Variants in ZSWIM4 observed in about 807,000 individuals in gnomAD.
ZSWIM4 encodes zinc finger SWIM-type containing 4.
Under a neutral mutation model 102.5 loss-of-function variants are expected in ZSWIM4, and 62 were observed. The ratio of observed to expected loss-of-function variants is 0.60; its 90% CI spans 0.49 to 0.75. ZSWIM4 has a LOEUF of 0.75. Among genes scored for constraint, ZSWIM4 ranks in the 30% least tolerant of loss-of-function variants. The pLI, the probability that ZSWIM4 is intolerant of heterozygous loss-of-function variation, is 0.00. For missense variants in ZSWIM4, 1,280 were observed against 1,529.6 expected, an observed-to-expected ratio of 0.84 and a Z score of 2.72; for synonymous variants, 652 against 674.5, an observed-to-expected ratio of 0.97 and a Z score of 0.52.
In ZSWIM4 at chr19:13,795,834, C is replaced by T. The variant is rs771415241; in HGVS notation, c.153+33C>T. On this transcript the variant is annotated intron_variant, in intron 1 of 13. Coordinates refer to ENST00000590508, the MANE Select transcript of ZSWIM4 (RefSeq NM_001367834.3). ...CGGGGGAAGGGGGCGGGGGCAGGGACGCACCCCCAGCACCTTCCCCACCTG... is the reference window on the plus strand; with the variant it reads ...CGGGGGAAGGGGGCGGGGGCAGGGATGCACCCCCAGCACCTTCCCCACCTG... The T allele has an allele frequency of 3.3e-6, 4 of 1,209,326 alleles. No homozygotes were observed. The South Asian group carries it at 1.2e-4, about 37-fold the overall frequency. The allele number at this position is 1,209,326 out of a possible 1,614,324, so 74.9% of individuals were successfully genotyped here. A position where few individuals can be genotyped will look rare whatever the true frequency, so the allele number is the denominator to read the frequency against.
At chr19:13,813,468 G>A (rs1189525850) in intron 6 of ZSWIM4, among the ~76,000 whole-genome samples, 3 of 151,536 alleles carry the variant, frequency 2.0e-5, no homozygotes, top group African/African-American at 7.3e-5. Flanking sequence ...GGATGAGAGA[G>A]GAAAAAAGGA....
rs1599623241 is a variant in ZSWIM4, at chr19:13,831,180, A to G, written c.*130A>G. ...AAGGAGCCCGGCTGGAGATGGGGGC[A>G]GGGGGAGCAGCATCCTGCCACGTGT... On this transcript the variant is annotated 3_prime_UTR_variant, in exon 14 of 14. Transcript: ENST00000590508. The G allele has an allele frequency of 8.2e-7, 1 of 1,216,496 alleles. No individual in the cohort carries two copies. Among genetic ancestry groups the G allele is most frequent in the African/African-American group, 1.5e-5 (1 of 65,942 alleles). The allele number at this position is 1,216,496 out of a possible 1,614,324, so 75.4% of individuals were successfully genotyped here. A position where few individuals can be genotyped will look rare whatever the true frequency, so the allele number is the denominator to read the frequency against.
At position 13,830,541 on chromosome 19, in the gene ZSWIM4, G is replaced by A. The variant is rs747438860; in HGVS notation, c.2812G>A (p.Ala938Thr). 3 of 1,599,582 alleles carry A rather than the reference G, an allele frequency of 1.9e-6. No individual in the cohort carries two copies. The highest frequency in any genetic ancestry group is 2.5e-6 in the Non-Finnish European group (3 of 1,179,484). ...YMEHRGLPLR[A>T]YKLATLALAQ... ...GGAGCACCGCGGGCTGCCGCTCCGG[G>A]CCTACAAGCTGGCGACGCTGGCCCT... The change falls in exon 14 of 14, where the codon GCC (alanine) becomes ACC (threonine). Residue 938 changes from alanine to threonine, a missense_variant. By Grantham distance (58) the Ala-to-Thr change is moderately conservative. Coordinates refer to ENST00000590508, the MANE Select transcript of ZSWIM4 (RefSeq NM_001367834.3).
intron 7 of ZSWIM4, among the ~76,000 whole-genome samples, chr19:13,816,950 C>G (rs370932706): frequency 1.3e-5 from 2 of 152,130 alleles, no homozygotes; most frequent in South Asian, 4.1e-4. Flanking sequence ...CATGGTGGCC[C>G]ATGCCTGTAA....
In ZSWIM4 at chr19:13,808,894, CGAGGA is replaced by C; in HGVS notation, c.773_777del (p.Glu258AlafsTer77). On this transcript the variant is annotated frameshift_variant, in exon 4 of 14. Transcript: ENST00000590508. LOFTEE classifies it high-confidence loss of function. ...AGGACGCCAACTGCTGGCACCTGGA[CGAGGA>C]GCAGATCCAGGAGCAGGTGAAGCAG... is the stretch of plus-strand genomic sequence containing the variant. 1 of 1,612,388 alleles carries C rather than the reference CGAGGA, an allele frequency of 6.2e-7. No individual in the cohort carries two copies. The highest frequency in any genetic ancestry group is 8.5e-7 in the Non-Finnish European group (1 of 1,179,388).
intron 12 of ZSWIM4, among the ~76,000 whole-genome samples, chr19:13,827,370 C>T (rs1182889758): frequency 2.0e-5 from 3 of 150,780 alleles, no homozygotes; most frequent in African/African-American, 7.3e-5. Context: ...TTTGGGAGGC[C>T]GATGCGGATC....
chr19:13,800,065 A>ATTTGTTTTTTTTTTTTT (rs1974718558), intron 2 of ZSWIM4, 144 bp downstream of exon 2: 1 of 334,366 alleles, frequency 3.0e-6, no homozygotes, highest in African/African-American at 4.7e-5. Flanking sequence ...ATTGTACAAG[A>ATTTGTTTTTTTTTTTTT]TTTTTTTTTT....
chr19:13,804,055 G>T (rs900106722), intron 2 of ZSWIM4, among the ~76,000 whole-genome samples: 1 of 150,994 alleles, frequency 6.6e-6, no homozygotes, highest in African/African-American at 2.4e-5. Flanking sequence ...GTAGAGACAG[G>T]GTTTCACCAT....
chr19:13,827,953 G>A (rs555139723), intron 12 of ZSWIM4, among the ~76,000 whole-genome samples: 5 of 152,270 alleles, frequency 3.3e-5, no homozygotes, highest in East Asian at 1.9e-4. Flanking sequence ...GGTTTGTTCC[G>A]GCATAGGATC....
At chr19:13,807,528 T>A (rs1315244809) in intron 3 of ZSWIM4, among the ~76,000 whole-genome samples, 1 of 150,154 alleles carries the variant, frequency 6.7e-6, no homozygotes, top group Non-Finnish European at 1.5e-5. Context: ...AGTAAATGGA[T>A]GAATGAACAA....
In ZSWIM4 at chr19:13,799,827, C is replaced by T; in HGVS notation, c.261C>T (p.Tyr87=). 1 of 1,613,992 alleles carries T rather than the reference C, an allele frequency of 6.2e-7. No individual in the cohort carries two copies. Among genetic ancestry groups the T allele is most frequent in the Non-Finnish European group, 8.5e-7 (1 of 1,180,018 alleles). Residue 87 remains tyrosine, a synonymous_variant, in exon 2 of 14, where the codon TAC becomes TAT. Coordinates refer to ENST00000590508, the MANE Select transcript of ZSWIM4 (RefSeq NM_001367834.3). Reference sequence around the variant, plus strand: ...TATGTATGTACTCGTCGCTGGGTTACCCGCCCCCAGAGGGCGAGCACGATG... The same window carrying T: ...TATGTATGTACTCGTCGCTGGGTTATCCGCCCCCAGAGGGCGAGCACGATG... ...REICMYSSLG[Y]PPPEGEHDAR...
At chr19:13,824,797 C>T (rs890782312) in intron 11 of ZSWIM4, among the ~76,000 whole-genome samples, 2 of 151,522 alleles carry the variant, frequency 1.3e-5, no homozygotes, top group Admixed American at 6.6e-5. Flanking sequence ...ATTTGAGCAG[C>T]TCCTTGCCAT....
At chr19:13,820,005 G>A (rs528152194) in intron 10 of ZSWIM4, among the ~76,000 whole-genome samples, 4 of 151,850 alleles carry the variant, frequency 2.6e-5, no homozygotes, top group South Asian at 2.1e-4. Context: ...ACAGGCGCCC[G>A]CCACCACGCC....
chr19:13,830,467 C>T lies in ZSWIM4; in HGVS notation c.2738C>T (p.Ala913Val), dbSNP rs1323574103. 3.1e-6 allele frequency: 5 copies of T among 1,603,614 alleles called. No homozygotes were observed. Among genetic ancestry groups the T allele is most frequent in the East Asian group, 2.2e-5 (1 of 44,880 alleles). The change falls in exon 14 of 14, where the codon GCG becomes GTG. Residue 913 changes from alanine to valine, a missense_variant. Transcript: ENST00000590508. ...EAAYQIVLDA[A>V]AGGLGHAHLF... The stretch of plus-strand genomic sequence containing the variant: ...GCCTACCAGATCGTGCTGGACGCGG[C>T]GGCCGGCGGCCTGGGCCACGCCCAC...
chr19:13,817,753 C>T lies in ZSWIM4; in HGVS notation c.1701C>T (p.Tyr567=), dbSNP rs1398998411. The change falls in exon 9 of 14, where the codon TAC becomes TAT. Residue 567 remains tyrosine (Y), a synonymous_variant. Coordinates refer to ENST00000590508, the MANE Select transcript of ZSWIM4 (RefSeq NM_001367834.3). The stretch of plus-strand genomic sequence containing the variant: ...GCCCCGAGAAGCGGAAGGTGGCCTA[C>T]CAGCACGTGCCTGTGCCCGGGAGCC... ...DSGPEKRKVA[Y]QHVPVPGSPG... is the part of the protein sequence containing the mutation. The T allele has an allele frequency of 1.9e-6, 3 of 1,606,124 alleles. No homozygotes were observed. Among genetic ancestry groups the T allele is most frequent in the South Asian group, 2.2e-5 (2 of 89,096 alleles).
chr19:13,801,148 G>GAAA (rs1474374033), intron 2 of ZSWIM4, among the ~76,000 whole-genome samples: 2 of 85,878 alleles, frequency 2.3e-5, no homozygotes, highest in African/African-American at 9.6e-5. Context: ...ATCTCAAAGA[G>GAAA]AAAAAAGAAA....
At chr19:13,818,121 C>T (rs1462327924) in intron 9 of ZSWIM4, 145 bp downstream of exon 9, 64 of 1,340,604 alleles carry the variant, frequency 4.8e-5, no homozygotes, top group Non-Finnish European at 5.6e-5. Flanking sequence ...CCCCTCATAC[C>T]TTGGCAGTTT....
chr19:13,823,910 T>C (rs1975535436), intron 11 of ZSWIM4, among the ~76,000 whole-genome samples: 1 of 152,190 alleles, frequency 6.6e-6, no homozygotes, highest in East Asian at 1.9e-4. Flanking sequence ...TTCTCACATT[T>C]CTGTAGGCTA....
intron 10 of ZSWIM4, among the ~76,000 whole-genome samples, chr19:13,820,894 C>G: frequency 6.9e-6 from 1 of 144,510 alleles, no homozygotes; most frequent in African/African-American, 2.6e-5. Flanking sequence ...AGCTGATAGA[C>G]ATTTACGCAA....
Sources: gnomAD v4.1 joint callset for allele counts (sites outside exome capture counted in the v4.1 genomes callset) on GRCh38, gnomAD v4.1.1 for gene constraint, MANE v1.5 for transcripts, NCBI Gene and HGNC (gene_info 2026-07-23, HGNC 2026-07-21) for gene names.